The following PIK3R6 variants were observed in gnomAD, a reference collection of about 807,000 sequenced individuals.
PIK3R6 encodes the protein phosphoinositide 3-kinase regulatory subunit 6.
In PIK3R6, 91 loss-of-function variants were observed where a neutral mutation model predicts 84.9. The observed-to-expected ratio is 1.07, with a 90% CI of 0.90 to 1.28. PIK3R6 has a LOEUF of 1.28. Ranked by LOEUF, PIK3R6 falls within the 50% of genes most tolerant of loss-of-function variation. The pLI is 0.00. For synonymous variants in PIK3R6, 416 were observed against 411.4 expected, an observed-to-expected ratio of 1.01 and a Z score of -0.13; for missense variants, 996 against 985.1, an observed-to-expected ratio of 1.01 and a Z score of -0.15.
chr17:8,847,993 A>G (rs1341238516), intron 2 of PIK3R6, among the ~76,000 whole-genome samples: 1 of 152,086 alleles, frequency 6.6e-6, no homozygotes, highest in African/African-American at 2.4e-5. Flanking sequence ...CCAGGTGCCT[A>G]CTTAGCTTCA....
chr17:8,832,950 G>C lies in PIK3R6; in HGVS notation c.741C>G (p.His247Gln). The change falls in exon 9 of 20, where the codon CAC (histidine) becomes CAG (glutamine). Residue 247 changes from histidine (H) to glutamine (Q), a missense_variant. By Grantham distance (24) the His-to-Gln change is conservative. Coordinates refer to ENST00000619866, the MANE Select transcript of PIK3R6 (RefSeq NM_001010855.4). ...AGTAAATCTCCTCCAGCCTCTCTAC[G>C]TGTCCCTCCCGGCTCGGGCTGGCCT... The part of the protein sequence containing the change: ...ASEASPSREG[H>Q]VERLEEIYCS... 6.2e-7 allele frequency: 1 copy of C among 1,612,924 alleles called. No homozygotes were observed.
At chr17:8,816,454 C>A (rs2087545623) in intron 18 of PIK3R6, among the ~76,000 whole-genome samples, 1 of 152,030 alleles carries the variant, frequency 6.6e-6, no homozygotes, top group Admixed American at 6.6e-5. Flanking sequence ...AATGTTTAAT[C>A]ATATCAGAGT....
chr17:8,857,220 G>A (rs555578083), intron 1 of PIK3R6, among the ~76,000 whole-genome samples: 6 of 152,290 alleles, frequency 3.9e-5, no homozygotes, highest in South Asian at 2.1e-4. Flanking sequence ...GGGATGGGGC[G>A]TGTCTCCTTC....
chr17:8,838,617 C>G lies in PIK3R6; in HGVS notation c.136G>C (p.Asp46His). 6.2e-7 allele frequency: 1 copy of G among 1,607,020 alleles called. No homozygotes were observed. Among genetic ancestry groups the G allele is most frequent in the Non-Finnish European group, 8.5e-7 (1 of 1,176,788 alleles). The change falls in exon 4 of 20, where the codon GAT (aspartate) becomes CAT (histidine). Residue 46 changes from aspartate (D) to histidine (H), a missense_variant. Coordinates refer to ENST00000619866, the MANE Select transcript of PIK3R6 (RefSeq NM_001010855.4). ...ACCAGCACTGGGCTCTTACCGGGATCTCGCTCGACCTTCTTGTGCAGGGAC... is the reference window on the plus strand; with the variant it reads ...ACCAGCACTGGGCTCTTACCGGGATGTCGCTCGACCTTCTTGTGCAGGGAC... ...RWSLHKKVER[D>H]PGKSPVLVRI...
intron 19 of PIK3R6, 30 bp downstream of exon 19, chr17:8,804,011 G>T: frequency 6.3e-7 from 1 of 1,576,158 alleles, no homozygotes; most frequent in Non-Finnish European, 8.7e-7. Flanking sequence ...ACGGGCCCTG[G>T]ACATCTAGGG....
rs1239671038 is a variant in PIK3R6, at chr17:8,862,177, T to C, written c.-92+5352A>G. On this transcript the variant is annotated intron_variant, in intron 1 of 19. Transcript: ENST00000619866. The surrounding 1 kb of genome is among the most constrained non-coding windows in gnomAD (Gnocchi z 4.3). Reference sequence around the variant, plus strand: ...TCCCCTGCAGGTAAGGGGACTACGCTATTGCATTTGTTTATTATCTGGCTG... The same window carrying C: ...TCCCCTGCAGGTAAGGGGACTACGCCATTGCATTTGTTTATTATCTGGCTG... Among the ~76,000 whole-genome samples, 1 of 152,204 alleles carries C rather than the reference T, an allele frequency of 6.6e-6. No individual in the cohort carries two copies. The highest frequency in any genetic ancestry group is 1.5e-5 in the Non-Finnish European group (1 of 68,034).
intron 2 of PIK3R6, among the ~76,000 whole-genome samples, chr17:8,845,866 G>C (rs150571428): frequency 3.9e-5 from 6 of 152,160 alleles, no homozygotes; most frequent in Non-Finnish European, 8.8e-5. Flanking sequence ...AAACCTGGGG[G>C]GTGGAGATTG....
intron 1 of PIK3R6, among the ~76,000 whole-genome samples, chr17:8,850,300 C>CAAAAAAAAAAAAA (rs753799544): frequency 1.6e-5 from 1 of 63,434 alleles, no homozygotes. Context: ...GAGACTGGCT[C>CAAAAAAAAAAAAA]AAAAAAAAAA....
At position 8,867,600 on chromosome 17, in the gene PIK3R6, C is replaced by T. The variant is rs768248538; in HGVS notation, c.-163G>A. On this transcript the variant is annotated 5_prime_UTR_variant, in exon 1 of 20. Transcript: ENST00000619866. ...TCCCCACGGTCCTGAGCGAGGTCCCCAGTCCCAGAGAAGCAGATGTCTTGG... is the reference window on the plus strand; with the variant it reads ...TCCCCACGGTCCTGAGCGAGGTCCCTAGTCCCAGAGAAGCAGATGTCTTGG... 1 of 513,148 alleles carries T rather than the reference C, an allele frequency of 1.9e-6. No individual in the cohort carries two copies. The highest frequency in any genetic ancestry group is 1.9e-5 in the Admixed American group (1 of 51,324). The allele number at this position is 513,148 out of a possible 1,614,324, so 31.8% of individuals were successfully genotyped here.
intron 1 of PIK3R6, among the ~76,000 whole-genome samples, chr17:8,853,156 C>A (rs571610278): frequency 2.0e-5 from 3 of 151,566 alleles, no homozygotes; most frequent in Non-Finnish European, 2.9e-5. Flanking sequence ...TCGGAAGATA[C>A]AATACCATTT....
chr17:8,860,086 C>T (rs987305042), intron 1 of PIK3R6, among the ~76,000 whole-genome samples: 22 of 152,202 alleles, frequency 1.4e-4, no homozygotes, highest in Admixed American at 1.3e-3. Context: ...ACATAAAAAA[C>T]CATGCGTATG....
chr17:8,825,458 A>G (rs1209226944), intron 13 of PIK3R6, among the ~76,000 whole-genome samples: 2 of 152,242 alleles, frequency 1.3e-5, no homozygotes, highest in Non-Finnish European at 2.9e-5. Flanking sequence ...GAATAAATCA[A>G]TGAGAGCATA....
At position 8,828,646 on chromosome 17, in the gene PIK3R6, G is replaced by A. The variant is rs1412503784; in HGVS notation, c.1234C>T (p.Arg412Trp). 11 of 1,613,080 alleles carry A rather than the reference G, an allele frequency of 6.8e-6. No homozygotes were observed. Among genetic ancestry groups the A allele is most frequent in the African/African-American group, 1.3e-5 (1 of 74,924 alleles). The change falls in exon 11 of 20, where the codon CGG (arginine) becomes TGG (tryptophan). Residue 412 changes from arginine (R) to tryptophan (W), a missense_variant. Arg to Trp is a moderately radical substitution (Grantham distance 101). Coordinates refer to ENST00000619866, the MANE Select transcript of PIK3R6 (RefSeq NM_001010855.4). The stretch of plus-strand genomic sequence containing the variant: ...ACAAGTACCCGGGCTGTGTGCAGCC[G>A]GGACACGCCGGGCAGCATTTCCCCA... Reference protein sequence around the residue: ...GDGEMLPGVSRLHTARVLVLG... With the variant: ...GDGEMLPGVSWLHTARVLVLG...
intron 14 of PIK3R6, 56 bp downstream of exon 14, chr17:8,823,331 G>A: frequency 7.6e-7 from 1 of 1,310,582 alleles, no homozygotes; most frequent in Non-Finnish European, 1.1e-6. Context: ...CCCAGAGCCT[G>A]GGTATTTAAT....
chr17:8,810,595 G>A lies in PIK3R6; in HGVS notation c.1996-6442C>T, dbSNP rs192511810. On this transcript the variant is annotated intron_variant, in intron 18 of 19. Coordinates refer to ENST00000619866, the MANE Select transcript of PIK3R6 (RefSeq NM_001010855.4). ...AGTTAGTTACTTCCTAGATACAACAGGGGTACAGGCATTGAGTGAAAACAG... is the reference window on the plus strand; with the variant it reads ...AGTTAGTTACTTCCTAGATACAACAAGGGTACAGGCATTGAGTGAAAACAG... 4.7e-5 allele frequency among the ~76,000 whole-genome samples: 7 copies of A among 148,722 alleles called. 1 individual carries two copies. The highest frequency in any genetic ancestry group is 1.5e-4 in the African/African-American group (6 of 40,098).
Position 8,828,640 on chromosome 17 carries a change from G to A in PIK3R6, c.1240C>T (p.His414Tyr). 1 of 1,613,338 alleles carries A rather than the reference G, an allele frequency of 6.2e-7. No homozygotes were observed. The highest frequency in any genetic ancestry group is 8.5e-7 in the Non-Finnish European group (1 of 1,179,686). Reference sequence around the variant, plus strand: ...CCGAGCACAAGTACCCGGGCTGTGTGCAGCCGGGACACGCCGGGCAGCATT... The same window carrying A: ...CCGAGCACAAGTACCCGGGCTGTGTACAGCCGGGACACGCCGGGCAGCATT... ...GEMLPGVSRL[H>Y]TARVLVLGDD... Residue 414 changes from histidine (H) to tyrosine (Y), a missense_variant, in exon 11 of 20, where the codon CAC becomes TAC. Coordinates refer to ENST00000619866, the MANE Select transcript of PIK3R6 (RefSeq NM_001010855.4).
intron 6 of PIK3R6, 58 bp downstream of exon 6, chr17:8,836,733 G>T: frequency 1.2e-6 from 2 of 1,609,918 alleles, no homozygotes; most frequent in Admixed American, 1.7e-5. Flanking sequence ...AAAAAGGAAA[G>T]ACCCTGGGCA....
intron 8 of PIK3R6, among the ~76,000 whole-genome samples, chr17:8,835,044 G>A (rs972889168): frequency 1.3e-5 from 2 of 151,932 alleles, no homozygotes; most frequent in Non-Finnish European, 2.9e-5. Context: ...CGCCATGTTG[G>A]CCAGGCTGGT....
intron 9 of PIK3R6, among the ~76,000 whole-genome samples, chr17:8,831,746 C>T (rs920751223): frequency 1.3e-5 from 2 of 152,098 alleles, no homozygotes; most frequent in Admixed American, 6.6e-5. Flanking sequence ...GACAGGTGCA[C>T]GATCAGTGAC....
Sources: gnomAD v4.1 joint callset for allele counts (sites outside exome capture counted in the v4.1 genomes callset) on GRCh38, gnomAD v4.1.1 for gene constraint, Gnocchi (gnomAD v3.1) non-coding constraint, MANE v1.5 for transcripts, NCBI Gene and HGNC (gene_info 2026-07-23, HGNC 2026-07-21) for gene names.